CSGALNACT1: variants seen among roughly 807,000 people sequenced by gnomAD.
The protein encoded by CSGALNACT1 is beta4GalNAcT-1.
A neutral mutation model predicts 51.0 loss-of-function variants in CSGALNACT1; 52 were observed. That is an observed-to-expected ratio of 1.02 (90% CI 0.82 to 1.29). The LOEUF (loss-of-function observed/expected upper bound fraction) is 1.29. Ranked by LOEUF, CSGALNACT1 falls within the 50% of genes most tolerant of loss-of-function variation. CSGALNACT1 has a pLI of 0.00. For synonymous variants in CSGALNACT1, 341 were observed against 254.4 expected, an observed-to-expected ratio of 1.34 and a Z score of -3.24; for missense variants, 935 against 679.2, an observed-to-expected ratio of 1.38 and a Z score of -4.19.
rs1446756404 is a variant in CSGALNACT1 at position 19,485,106 on chromosome 8, C to G, written c.634+20095G>C. On this transcript the variant is annotated intron_variant, in intron 4 of 9. Coordinates refer to ENST00000454498, the Ensembl canonical transcript of CSGALNACT1. ...TGGCAGCCCAAGTCATATAATACAA[C>G]CAATGATGGCCACCATCAGTTACAC... Among the ~76,000 whole-genome samples, 2 of 152,292 alleles carry G rather than the reference C, an allele frequency of 1.3e-5. 1 individual carries two copies. Among genetic ancestry groups the G allele is most frequent in the South Asian group, 4.1e-4 (2 of 4,826 alleles).
intron 1 of CSGALNACT1, among the ~76,000 whole-genome samples, chr8:19,735,457 G>A (rs1204177386): frequency 1.3e-5 from 2 of 151,918 alleles, no homozygotes; most frequent in South Asian, 2.1e-4. Context: ...ATGACCATAA[G>A]CTCAAATCAA....
chr8:19,701,077 G>C (rs113007929), intron 1 of CSGALNACT1, among the ~76,000 whole-genome samples: 14 of 150,786 alleles, frequency 9.3e-5, no homozygotes, highest in African/African-American at 3.4e-4. Flanking sequence ...AGACAGAAAT[G>C]ATGGCTGGAG....
chr8:19,627,427 C>T (rs924237040), intron 1 of CSGALNACT1, among the ~76,000 whole-genome samples: 9 of 152,034 alleles, frequency 5.9e-5, no homozygotes, highest in South Asian at 2.1e-4. Context: ...GAAGTTAGTT[C>T]CTGGAAATGG....
At chr8:19,607,297 T>C (rs774897679), upstream of CSGALNACT1, among the ~76,000 whole-genome samples, 26 of 152,182 alleles carry the variant, frequency 1.7e-4, no homozygotes, top group Non-Finnish European at 2.6e-4. Context: ...ACTGGAGATA[T>C]AAATGATAAG....
At chr8:19,429,418 C>A (rs2059313782) in intron 6 of CSGALNACT1, among the ~76,000 whole-genome samples, 1 of 151,998 alleles carries the variant, frequency 6.6e-6, no homozygotes, top group South Asian at 2.1e-4. Flanking sequence ...CTCAGGTGAT[C>A]TGCCTGCCTC....
chr8:19,460,424 A>G (rs1485098170), intron 4 of CSGALNACT1, among the ~76,000 whole-genome samples: 1 of 152,212 alleles, frequency 6.6e-6, no homozygotes, highest in Non-Finnish European at 1.5e-5. Context: ...AAAAACATAC[A>G]ATAGCTAGGG....
At chr8:19,638,325 C>G (rs1358455622) in intron 1 of CSGALNACT1, among the ~76,000 whole-genome samples, 1 of 152,172 alleles carries the variant, frequency 6.6e-6, no homozygotes, top group Non-Finnish European at 1.5e-5. Context: ...GGGCAACAGA[C>G]AAGCCCACCC....
chr8:19,418,150 T>C (rs1470915172), intron 8 of CSGALNACT1, among the ~76,000 whole-genome samples: 1 of 152,092 alleles, frequency 6.6e-6, no homozygotes, highest in East Asian at 1.9e-4. Flanking sequence ...AGTGGCATGA[T>C]GGGAAGGGAA....
At chr8:19,495,578 G>T (rs1177265139) in intron 4 of CSGALNACT1, among the ~76,000 whole-genome samples, 1 of 152,196 alleles carries the variant, frequency 6.6e-6, no homozygotes, top group African/African-American at 2.4e-5. Flanking sequence ...GGCTGGAGAG[G>T]AGGGAGCTCT....
At chr8:19,629,519 G>A (rs745708242) in intron 1 of CSGALNACT1, among the ~76,000 whole-genome samples, 1 of 152,228 alleles carries the variant, frequency 6.6e-6, no homozygotes, top group Non-Finnish European at 1.5e-5. Context: ...GCCTGGTATT[G>A]GAGATGTGAA....
At chr8:19,675,442 G>A (rs1354660185) in intron 1 of CSGALNACT1, among the ~76,000 whole-genome samples, 1 of 152,060 alleles carries the variant, frequency 6.6e-6, no homozygotes, top group Non-Finnish European at 1.5e-5. Context: ...AAAATGAGTG[G>A]AACCACAGAG....
chr8:19,582,449 T>A (rs1446561259), intron 3 of CSGALNACT1, among the ~76,000 whole-genome samples: 2 of 152,184 alleles, frequency 1.3e-5, no homozygotes, highest in Non-Finnish European at 2.9e-5. Flanking sequence ...TTAAAGAGCC[T>A]GAGAGCACCT....
chr8:19,736,412 A>T (rs1163877447), intron 1 of CSGALNACT1, among the ~76,000 whole-genome samples: 1 of 151,910 alleles, frequency 6.6e-6, no homozygotes, highest in Middle Eastern at 3.2e-3. Context: ...TCTCTCACAC[A>T]CTGCTGACTA....
intron 3 of CSGALNACT1, among the ~76,000 whole-genome samples, chr8:19,588,706 T>C (rs1056795749): frequency 7.2e-5 from 11 of 152,182 alleles, no homozygotes; most frequent in Non-Finnish European, 1.0e-4. Context: ...TTTTTGTCAA[T>C]TTTTTTGCAA....
intron 4 of CSGALNACT1, among the ~76,000 whole-genome samples, chr8:19,498,467 T>C (rs11204050): frequency 0.6 from 91,178 of 152,062 alleles, 29,032 homozygotes; most frequent in East Asian, 0.86. Context: ...GCACCATTCA[T>C]GTGCAGGGCG....
At chr8:19,683,577 C>T (rs1211141668), upstream of CSGALNACT1, among the ~76,000 whole-genome samples, 3 of 152,038 alleles carry the variant, frequency 2.0e-5, no homozygotes, top group African/African-American at 7.2e-5. Flanking sequence ...TAGAACTGAA[C>T]ATTAAAAATT....
rs201499241 is a variant in CSGALNACT1 at position 19,505,284 on chromosome 8, A to G, written c.551T>C (p.Ile184Thr). The change falls in exon 4 of 10, where the codon ATT (isoleucine) becomes ACT (threonine). Residue 184 changes from isoleucine (I) to threonine (T), a missense_variant. Physicochemically the swap from Ile to Thr is moderately conservative, Grantham distance 89. Transcript: ENST00000454498. Reference sequence around the variant, plus strand: ...GTTCAGGGTCTCCAAGGCTGATTCAATGGCTTCCACCAACTCATCCCGCTT... The same window carrying G: ...GTTCAGGGTCTCCAAGGCTGATTCAGTGGCTTCCACCAACTCATCCCGCTT... 3.1e-6 allele frequency: 5 copies of G among 1,614,172 alleles called. No individual in the cohort carries two copies. The highest frequency in any genetic ancestry group is 2.2e-5 in the East Asian group (1 of 44,886).
intron 3 of CSGALNACT1, among the ~76,000 whole-genome samples, chr8:19,530,518 A>G (rs2082560099): frequency 6.6e-6 from 1 of 152,220 alleles, no homozygotes; most frequent in South Asian, 2.1e-4. Context: ...ACTAGAATTC[A>G]GTCGCTAAAC....
chr8:19,708,460 C>T (rs1334184401), intron 1 of CSGALNACT1, among the ~76,000 whole-genome samples: 2 of 152,170 alleles, frequency 1.3e-5, no homozygotes, highest in Non-Finnish European at 2.9e-5. Context: ...TTCACAGCGG[C>T]ACACTGTGGA....
Sources: allele counts gnomAD v4.1 joint callset (sites outside exome capture counted in the v4.1 genomes callset), GRCh38; gene constraint gnomAD v4.1.1; transcripts MANE v1.5; gene names NCBI Gene and HGNC (gene_info 2026-07-23, HGNC 2026-07-21).